Variants in RARA observed in about 807,000 individuals in gnomAD.
RARA encodes PML-DDX5-RARA fusion.
A neutral mutation model predicts 42.8 loss-of-function variants in RARA; 5 were observed. That is an observed-to-expected ratio of 0.12 (90% CI 0.06 to 0.25). The LOEUF (loss-of-function observed/expected upper bound fraction) is 0.25, where lower values mean the gene tolerates loss of function less well. Among genes scored for constraint, RARA ranks in the 10% least tolerant of loss-of-function variants. The probability of loss-of-function intolerance (pLI) is 1.00; values close to 1 mark genes in which losing one functional copy is unlikely to be tolerated. For synonymous variants in RARA, 256 were observed against 259.5 expected (o/e 0.99, Z 0.13); for missense variants, 402 against 628.7 (o/e 0.64, Z 3.86).
In RARA at chr17:40,331,432, C is replaced by T. The variant is rs758399784; in HGVS notation, c.178+36C>T. The T allele has an allele frequency of 7.4e-5, 118 of 1,594,990 alleles. No individual in the cohort carries two copies. In the Middle Eastern group the frequency reaches 1.0e-3, roughly 13 times the overall value. The stretch of plus-strand genomic sequence containing the variant: ...GTGTGGGGGCTGGGGTGGGAAGGGA[C>T]TGTGGAGGGTGGCAGGCCTCAGAGC... On this transcript the variant is annotated intron_variant, in intron 2 of 8. Coordinates refer to ENST00000254066, the MANE Select transcript of RARA (RefSeq NM_000964.4).
chr17:40,341,410 A>T, intron 2 of RARA: 1 of 1,509,912 alleles, frequency 6.6e-7, no homozygotes, highest in Non-Finnish European at 8.8e-7. Context: ...AGACAATGAC[A>T]CAAGCCGGTG....
At chr17:40,350,058 G>A (rs904686478) in intron 4 of RARA, 133 bp downstream of exon 4, 3 of 1,358,620 alleles carry the variant, frequency 2.2e-6, no homozygotes, top group African/African-American at 2.9e-5. Flanking sequence ...GCGGGCTCAC[G>A]GTTGAGGATG....
intron 2 of RARA, among the ~76,000 whole-genome samples, chr17:40,346,190 A>C (rs1263659191): frequency 2.0e-5 from 3 of 152,102 alleles, no homozygotes; most frequent in Non-Finnish European, 4.4e-5. Context: ...CTTTAGCTCC[A>C]TGTTTTTATG....
rs748702615 is a variant in RARA at position 40,356,085 on chromosome 17, C to T, written c.1248C>T (p.Asn416=). The stretch of plus-strand genomic sequence containing the variant: ...CTCTCATCCAGGAAATGTTGGAGAA[C>T]TCAGAGGGCCTGGACACTCTGAGCG... ...MPPLIQEMLE[N]SEGLDTLSGQ... The change falls in exon 9 of 9, where the codon AAC becomes AAT. Residue 416 remains asparagine (N), a synonymous_variant. Coordinates refer to ENST00000254066, the MANE Select transcript of RARA (RefSeq NM_000964.4). 9 of 1,599,822 alleles carry T rather than the reference C, an allele frequency of 5.6e-6. No homozygotes were observed. In the Admixed American group the frequency reaches 1.4e-4, roughly 24 times the overall value.
rs2034574620 is a variant in RARA, at chr17:40,355,114, C to T, written c.1013-149C>T. The stretch of plus-strand genomic sequence containing the variant: ...CCCTTTTAAGGGCCTCTGTACCCTG[C>T]GGCAGCAGAGACCCCATGCCCTGCC... On this transcript the variant is annotated intron_variant, in intron 7 of 8. Transcript: ENST00000254066. This position sits in a 1 kb window ranked among gnomAD's most constrained non-coding sequence, Gnocchi z 4.1. 13 of 1,008,406 alleles carry T rather than the reference C, an allele frequency of 1.3e-5. No individual in the cohort carries two copies. Among genetic ancestry groups the T allele is most frequent in the South Asian group, 3.5e-5 (2 of 57,424 alleles). The allele number at this position is 1,008,406 out of a possible 1,614,324, so 62.5% of individuals were successfully genotyped here.
In RARA at chr17:40,331,126, G is replaced by A. The variant is rs1598550374; in HGVS notation, c.-93G>A. On this transcript the variant is annotated 5_prime_UTR_variant, in exon 2 of 9. Transcript: ENST00000254066. ...GGCTGACCACCCAAACCCCATCTGG[G>A]CCCAGGCCCCATGCCCCGAGGAGGG... The A allele has an allele frequency of 2.8e-6, 4 of 1,416,712 alleles. No individual in the cohort carries two copies. The highest frequency in any genetic ancestry group is 3.8e-6 in the Non-Finnish European group (4 of 1,051,460). 87.8% of individuals were successfully genotyped at this position (1,416,712 alleles called of 1,614,324 possible).
chr17:40,353,359 T>A (rs2034514686), intron 6 of RARA, among the ~76,000 whole-genome samples: 1 of 152,198 alleles, frequency 6.6e-6, no homozygotes, highest in South Asian at 2.1e-4. Flanking sequence ...CTCTCCTTCC[T>A]GCTGTCCCTG....
At chr17:40,318,257 C>G (rs1016197763) in intron 1 of RARA, 4 of 152,276 alleles carry the variant, frequency 2.6e-5, no homozygotes, top group Admixed American at 6.5e-5. Flanking sequence ...TCTGGGGCTC[C>G]GGGTAAAGTT....
chr17:40,342,411 C>T, intron 2 of RARA: 2 of 1,170,680 alleles, frequency 1.7e-6, no homozygotes, highest in Middle Eastern at 3.5e-4. Flanking sequence ...ACGGGAGTCC[C>T]CTCGAGGTGA....
chr17:40,356,058 G>T lies in RARA; in HGVS notation c.1221G>T (p.Pro407=), dbSNP rs759685297. 34 of 1,539,588 alleles carry T rather than the reference G, an allele frequency of 2.2e-5. No homozygotes were observed. The highest frequency in any genetic ancestry group is 2.9e-5 in the Non-Finnish European group (33 of 1,137,566). The change falls in exon 9 of 9, where the codon CCG becomes CCT. Residue 407 remains proline (P), a synonymous_variant. Transcript: ENST00000254066. ...TLKMEIPGSM[P]PLIQEMLENS... ...AGATGGAGATCCCGGGCTCCATGCC[G>T]CCTCTCATCCAGGAAATGTTGGAGA...
Position 40,333,783 on chromosome 17 carries a change from C to T in RARA, c.178+2387C>T, listed in dbSNP as rs537426521. On this transcript the variant is annotated intron_variant, in intron 2 of 8. Transcript: ENST00000254066. The stretch of plus-strand genomic sequence containing the variant: ...TCTCGAGTAGCTGGGACTACAGGTG[C>T]GTGCCACCACACCAGGCTGATTTTT... Among the ~76,000 whole-genome samples, 168 of 152,200 alleles carry T rather than the reference C, an allele frequency of 1.1e-3. 1 individual carries two copies. The highest frequency in any genetic ancestry group is 1.9e-4 in the Non-Finnish European group (13 of 67,996).
intron 2 of RARA, among the ~76,000 whole-genome samples, chr17:40,332,350 G>C (rs527756279): frequency 6.6e-6 from 1 of 152,224 alleles, no homozygotes; most frequent in East Asian, 1.9e-4. Context: ...TGCTGACCTG[G>C]GAAACGTGTC....
intron 1 of RARA, among the ~76,000 whole-genome samples, chr17:40,315,784 T>A (rs2143167088): frequency 6.6e-6 from 1 of 152,276 alleles, no homozygotes; most frequent in East Asian, 1.9e-4. Flanking sequence ...CTGTCCAGAC[T>A]CTCTTCCTTC....
intron 1 of RARA, among the ~76,000 whole-genome samples, chr17:40,323,776 A>C (rs2033461028): frequency 7.9e-6 from 1 of 127,294 alleles, no homozygotes; most frequent in Non-Finnish European, 1.6e-5. Flanking sequence ...GGCAGGGCAC[A>C]GTCTGACTCA....
chr17:40,319,755 C>T (rs1156516660), intron 1 of RARA, among the ~76,000 whole-genome samples: 1 of 151,580 alleles, frequency 6.6e-6, no homozygotes, highest in Non-Finnish European at 1.5e-5. Flanking sequence ...CATGAAGAGG[C>T]TGTGCCGGGG....
intron 1 of RARA, among the ~76,000 whole-genome samples, chr17:40,319,571 CT>C (rs1308619370): frequency 1.3e-5 from 2 of 151,492 alleles, no homozygotes; most frequent in Non-Finnish European, 2.9e-5. Context: ...ACTTCTGCCC[CT>C]GACACTCCCC....
chr17:40,351,379 G>C lies in RARA; in HGVS notation c.470-531G>C, dbSNP rs943865593. On this transcript the variant is annotated intron_variant, in intron 4 of 8. Transcript: ENST00000254066. The surrounding 1 kb of genome is among the most constrained non-coding windows in gnomAD (Gnocchi z 4.1). Reference sequence around the variant, plus strand: ...TGGTGTGTGCGGCTCAGCGCCCCTGGTGATTTGTCAGCTCCCCAGCTAATG... The same window carrying C: ...TGGTGTGTGCGGCTCAGCGCCCCTGCTGATTTGTCAGCTCCCCAGCTAATG... The C allele has an allele frequency of 1.2e-5, 5 of 422,100 alleles. No homozygotes were observed. Among genetic ancestry groups the C allele is most frequent in the Non-Finnish European group, 2.5e-5 (5 of 199,840 alleles). The allele number at this position is 422,100 out of a possible 1,614,324, so 26.1% of individuals were successfully genotyped here.
chr17:40,331,829 G>A (rs1475977210), intron 2 of RARA, among the ~76,000 whole-genome samples: 2 of 152,170 alleles, frequency 1.3e-5, no homozygotes, highest in Non-Finnish European at 2.9e-5. Flanking sequence ...GCCTCTGAGG[G>A]AAAGGGCTTG....
intron 2 of RARA, among the ~76,000 whole-genome samples, chr17:40,338,657 A>C (rs1435488212): frequency 6.9e-6 from 1 of 144,868 alleles, no homozygotes; most frequent in Non-Finnish European, 1.5e-5. Context: ...TAGTGAGCCG[A>C]GATCGCGCCA....
Sources: allele counts gnomAD v4.1 joint callset (sites outside exome capture counted in the v4.1 genomes callset), GRCh38; gene constraint gnomAD v4.1.1; non-coding constraint Gnocchi (gnomAD v3.1); transcripts MANE v1.5; gene names NCBI Gene and HGNC (gene_info 2026-07-23, HGNC 2026-07-21).